SCARB2: variants seen among roughly 807,000 people sequenced by gnomAD.
SCARB2 encodes the protein scavenger receptor class B member 2.
A neutral mutation model predicts 58.6 loss-of-function variants in SCARB2; 29 were observed. The observed-to-expected ratio is 0.49, with a 90% CI of 0.37 to 0.67. The LOEUF (loss-of-function observed/expected upper bound fraction) is 0.67, where lower values mean the gene tolerates loss of function less well. Among genes scored for constraint, SCARB2 ranks in the 30% least tolerant of loss-of-function variants. The pLI is 0.00. For synonymous variants in SCARB2, 195 were observed against 210.1 expected (o/e 0.93, Z 0.62); for missense variants, 488 against 578.5 (o/e 0.84, Z 1.60).
intron 4 of SCARB2, 48 bp downstream of exon 4, chr4:76,179,469 C>T: frequency 7.3e-7 from 1 of 1,364,790 alleles, no homozygotes; most frequent in Non-Finnish European, 1.0e-6. Context: ...GGTGCCCCAA[C>T]CCACTGTCAG....
chr4:76,169,611 A>G (rs542511795), intron 8 of SCARB2, among the ~76,000 whole-genome samples: 31 of 152,328 alleles, frequency 2.0e-4, no homozygotes, highest in Non-Finnish European at 3.4e-4. Context: ...AGTAGTTTCC[A>G]ATAACTGAGT....
upstream of SCARB2, chr4:76,214,513 G>T (rs188825460): frequency 2.8e-6 from 1 of 351,508 alleles, no homozygotes; most frequent in African/African-American, 2.2e-5. Context: ...TGTTCAGGGG[G>T]TGGAGTCGGA....
chr4:76,160,255 TAAAC>T lies in SCARB2; in HGVS notation c.*1454_*1457del, dbSNP rs750924435. On this transcript the variant is annotated 3_prime_UTR_variant, in exon 12 of 12. Coordinates refer to ENST00000264896, the MANE Select transcript of SCARB2 (RefSeq NM_005506.4). ...ATTTGCTTACATTGAAATCCAGTTT[TAAAC>T]AAAAAAAATCCTTTTGAATGGTTCA... The T allele has an allele frequency of 1.3e-5, 2 of 152,164 alleles. No homozygotes were observed. Among genetic ancestry groups the T allele is most frequent in the Non-Finnish European group, 2.9e-5 (2 of 68,022 alleles). 9.4% of individuals were successfully genotyped at this position (152,164 alleles called of 1,614,324 possible).
At chr4:76,222,727 G>A (rs1425058298) in intron 1 of SCARB2, among the ~76,000 whole-genome samples, 2 of 152,166 alleles carry the variant, frequency 1.3e-5, no homozygotes, top group East Asian at 3.9e-4. Context: ...TGAGCAAAAG[G>A]TAAATATTAC....
At chr4:76,220,892 G>C (rs577573440) in intron 1 of SCARB2, among the ~76,000 whole-genome samples, 3 of 152,128 alleles carry the variant, frequency 2.0e-5, no homozygotes, top group African/African-American at 7.2e-5. Flanking sequence ...GATCAGCTGG[G>C]ACCACAGGGG....
intron 7 of SCARB2, chr4:76,172,910 T>C (rs1228476889): frequency 6.6e-6 from 1 of 152,054 alleles, no homozygotes; most frequent in Non-Finnish European, 1.5e-5. Flanking sequence ...TCCAGAGAAA[T>C]TTTAAAGAGG....
chr4:76,225,059 T>G (rs1245130832), intron 1 of SCARB2, among the ~76,000 whole-genome samples: 1 of 152,198 alleles, frequency 6.6e-6, no homozygotes, highest in Non-Finnish European at 1.5e-5. Context: ...TATTCCTGAG[T>G]TACTTCACTT....
At position 76,181,080 on chromosome 4, in the gene SCARB2, AT is replaced by A. The variant is rs886041073; in HGVS notation, c.296del (p.Asn99IlefsTer34). The A allele has an allele frequency of 1.2e-6, 2 of 1,613,588 alleles. No individual in the cohort carries two copies. The highest frequency in any genetic ancestry group is 8.5e-7 in the Non-Finnish European group (1 of 1,179,890). On this transcript the variant is annotated frameshift_variant, in exon 3 of 12. Coordinates refer to ENST00000264896, the MANE Select transcript of SCARB2 (RefSeq NM_005506.4). LOFTEE classifies it high-confidence loss of function. Reference protein sequence around the residue: ...YTYRELRNKANIQFGDNGTTI... With the variant: ...YTYRELRNKAXIQFGDNGTTI... The stretch of plus-strand genomic sequence containing the variant: ...TTGTTCCATTATCTCCAAATTGAAT[AT>A]TTGCTTTGTTTCTGAGTTCCCTAAA...
chr4:76,230,055 T>C (rs1190990632), intron 1 of SCARB2, among the ~76,000 whole-genome samples: 1 of 152,182 alleles, frequency 6.6e-6, no homozygotes, highest in Non-Finnish European at 1.5e-5. Context: ...GGATATGTAT[T>C]TGGGTTTCTC....
At chr4:76,175,443 CTA>C in intron 6 of SCARB2, 1 of 337,204 alleles carries the variant, frequency 3.0e-6, no homozygotes, top group Non-Finnish European at 5.7e-6. Context: ...GGGCCCTGGG[CTA>C]AGTATTTGAC....
chr4:76,166,844 C>G (rs58652991), intron 9 of SCARB2: 16,878 of 155,530 alleles, frequency 0.11, 3,040 homozygotes, highest in African/African-American at 0.38. Flanking sequence ...TTCCACTTTG[C>G]TTCTAAGATT....
intron 8 of SCARB2, 104 bp from the exon 9 acceptor site, chr4:76,168,580 C>A: frequency 1.1e-6 from 1 of 912,958 alleles, no homozygotes; most frequent in South Asian, 1.3e-5. Flanking sequence ...ACAAGGTGAC[C>A]ATTACCATGT....
intron 2 of SCARB2, among the ~76,000 whole-genome samples, chr4:76,186,763 T>A (rs1311020286): frequency 1.3e-5 from 2 of 152,192 alleles, no homozygotes; most frequent in Non-Finnish European, 2.9e-5. Flanking sequence ...GTCACAACCT[T>A]TTGTGCATGA....
Position 76,213,667 on chromosome 4 carries a change from G to T in SCARB2, c.-124C>A. On this transcript the variant is annotated 5_prime_UTR_variant, in exon 1 of 12. Coordinates refer to ENST00000264896, the MANE Select transcript of SCARB2 (RefSeq NM_005506.4). ...TTCGGCGCCACGCCCACGCCCTCCC[G>T]GCGCACGGTTCGTGCGCGCAGCTCT... The T allele has an allele frequency of 1.3e-6, 1 of 742,958 alleles. No homozygotes were observed. Among genetic ancestry groups the T allele is most frequent in the Non-Finnish European group, 2.2e-6 (1 of 446,210 alleles). The allele number at this position is 742,958 out of a possible 1,614,324, so 46.0% of individuals were successfully genotyped here. A position where few individuals can be genotyped will look rare whatever the true frequency, so the allele number is the denominator to read the frequency against.
At chr4:76,189,889 C>T (rs982648442) in intron 2 of SCARB2, among the ~76,000 whole-genome samples, 1 of 152,156 alleles carries the variant, frequency 6.6e-6, no homozygotes, top group African/African-American at 2.4e-5. Context: ...CCCTGGGTCC[C>T]TCCCATGACA....
At chr4:76,189,898 CAT>C (rs890628278) in intron 2 of SCARB2, among the ~76,000 whole-genome samples, 1 of 152,128 alleles carries the variant, frequency 6.6e-6, no homozygotes, top group African/African-American at 2.4e-5. Flanking sequence ...CCTCCCATGA[CAT>C]GTGGGGATTA....
intron 2 of SCARB2, chr4:76,194,614 T>A (rs933664393): frequency 6.6e-6 from 1 of 152,216 alleles, no homozygotes; most frequent in Non-Finnish European, 1.5e-5. Context: ...CAATAATTTA[T>A]TGAGCAATCG....
Position 76,195,878 on chromosome 4 carries a change from A to G in SCARB2, c.118-14T>C, listed in dbSNP as rs754744775. 5 of 1,606,408 alleles carry G rather than the reference A, an allele frequency of 3.1e-6. No individual in the cohort carries two copies. The African/African-American group carries it at 6.7e-5, about 22-fold the overall frequency. On this transcript the variant is annotated splice_polypyrimidine_tract_variant and intron_variant, in intron 1 of 11. Coordinates refer to ENST00000264896, the MANE Select transcript of SCARB2 (RefSeq NM_005506.4). ...TAACACAATTTTCTAGGAAAAAACC[A>G]AAAGGAGATTTACAAAAATGTAAGG...
Position 76,160,923 on chromosome 4 carries a change from C to T in SCARB2, c.*790G>A, listed in dbSNP as rs1731884881. ...ATGATCATTTTGACTAAAAAAAAAA[C>T]AGTTAACTATCCACAAGCATCATAA... On this transcript the variant is annotated 3_prime_UTR_variant, in exon 12 of 12. Transcript: ENST00000264896. The T allele has an allele frequency of 6.6e-6, 1 of 151,790 alleles. No individual in the cohort carries two copies. Among genetic ancestry groups the T allele is most frequent in the African/African-American group, 2.4e-5 (1 of 41,282 alleles). 9.4% of individuals were successfully genotyped at this position (151,790 alleles called of 1,614,324 possible).
Sources: gnomAD v4.1 joint callset for allele counts (sites outside exome capture counted in the v4.1 genomes callset) on GRCh38, gnomAD v4.1.1 for gene constraint, MANE v1.5 for transcripts, NCBI Gene and HGNC (gene_info 2026-07-23, HGNC 2026-07-21) for gene names.